Variants in PTH1R observed in about 807,000 individuals in gnomAD.
PTH1R encodes the protein parathyroid hormone/parathyroid hormone-related peptide receptor.
A neutral mutation model predicts 70.7 loss-of-function variants in PTH1R; 32 were observed. That is an observed-to-expected ratio of 0.45 (90% CI 0.34 to 0.61). The LOEUF (loss-of-function observed/expected upper bound fraction) is 0.61. Among genes scored for constraint, PTH1R ranks in the 20% least tolerant of loss-of-function variants. The pLI, the probability that PTH1R is intolerant of heterozygous loss-of-function variation, is 0.01. For missense variants in PTH1R, 626 were observed against 792.5 expected (o/e 0.79, Z 2.52); for synonymous variants, 329 against 324.8 (o/e 1.01, Z -0.14).
Position 46,882,479 on chromosome 3 carries a change from G to C in PTH1R, c.-48-1033G>C, listed in dbSNP as rs1310126434. 1 of 151,438 alleles carries C rather than the reference G, an allele frequency of 6.6e-6. No individual in the cohort carries two copies. The highest frequency in any genetic ancestry group is 1.5e-5 in the Non-Finnish European group (1 of 67,748). 9.4% of individuals were successfully genotyped at this position (151,438 alleles called of 1,614,324 possible). On this transcript the variant is annotated intron_variant, in intron 2 of 15. Transcript: ENST00000449590. The surrounding 1 kb of genome is among the most constrained non-coding windows in gnomAD (Gnocchi z 4.3). ...GCGCGCTCGGAGTAAGTCGGGGCTGGGGACCCGCGCCGAGGGGAAGTGGCC... is the reference window on the plus strand; with the variant it reads ...GCGCGCTCGGAGTAAGTCGGGGCTGCGGACCCGCGCCGAGGGGAAGTGGCC...
intron 3 of PTH1R, among the ~76,000 whole-genome samples, chr3:46,887,962 T>C (rs998379568): frequency 3.9e-5 from 6 of 152,314 alleles, no homozygotes; most frequent in Non-Finnish European, 7.3e-5. Flanking sequence ...TAGTAGGATA[T>C]TTCTAGATTT....
In PTH1R at chr3:46,884,657, G is replaced by A. The variant is rs1358439485; in HGVS notation, c.75+1023G>A. 6.6e-6 allele frequency among the ~76,000 whole-genome samples: 1 copy of A among 152,134 alleles called. No homozygotes were observed. Among genetic ancestry groups the A allele is most frequent in the African/African-American group, 2.4e-5 (1 of 41,428 alleles). On this transcript the variant is annotated intron_variant, in intron 3 of 15. Coordinates refer to ENST00000449590, the MANE Select transcript of PTH1R (RefSeq NM_000316.3). The surrounding 1 kb of genome is among the most constrained non-coding windows in gnomAD (Gnocchi z 4.8). ...CCCCAGTGGGGGTATCTGCCTGCTA[G>A]AGAGCAGGGCAGTCAGGCAGCCTCC...
At position 46,898,062 on chromosome 3, in the gene PTH1R, A is replaced by G. The variant is rs2031859563; in HGVS notation, c.425-12A>G. The G allele has an allele frequency of 3.7e-6, 6 of 1,613,994 alleles. No homozygotes were observed. Among genetic ancestry groups the G allele is most frequent in the Admixed American group, 3.3e-5 (2 of 60,024 alleles). ...ACCTCCCTGCCGGCCCTGACCTCCC[A>G]TGGACCTGCAGGCCATGCCTACCGA... On this transcript the variant is annotated splice_polypyrimidine_tract_variant and intron_variant, in intron 6 of 15. Coordinates refer to ENST00000449590, the MANE Select transcript of PTH1R (RefSeq NM_000316.3).
chr3:46,899,234 C>T, intron 9 of PTH1R, 69 bp from the exon 10 acceptor site: 1 of 1,601,502 alleles, frequency 6.2e-7, no homozygotes, highest in South Asian at 1.1e-5. Context: ...GCCGCCCCAG[C>T]CCCCCAGCCC....
rs201363790 is a variant in PTH1R at position 46,901,084 on chromosome 3, G to A, written c.1048G>A (p.Gly350Arg). 26 of 1,575,730 alleles carry A rather than the reference G, an allele frequency of 1.7e-5. No homozygotes were observed. The highest frequency in any genetic ancestry group is 4.0e-5 in the African/African-American group (3 of 74,528). ...TGTCAGAGCTACCCTGGCCAACACC[G>A]GGTAGGTCCAGGTGGAGAAGGGGCC... ...VSVRATLANT[G>R]CWDLSSGNKK... The change falls in exon 11 of 16, where the codon GGG (glycine) becomes AGG (arginine). Residue 350 changes from glycine (G) to arginine (R), a missense_variant and splice_region_variant. Gly to Arg is a moderately radical substitution (Grantham distance 125). Transcript: ENST00000449590. This position sits in a 1 kb window ranked among gnomAD's most constrained non-coding sequence, Gnocchi z 7.3.
chr3:46,902,220 G>A lies in PTH1R; in HGVS notation c.1212-306G>A, dbSNP rs1370949154. Among the ~76,000 whole-genome samples, 1 of 152,204 alleles carries A rather than the reference G, an allele frequency of 6.6e-6. No homozygotes were observed. The highest frequency in any genetic ancestry group is 2.4e-5 in the African/African-American group (1 of 41,458). The stretch of plus-strand genomic sequence containing the variant: ...AGCTGAAACCTGAGGAGCGGACTGT[G>A]GGATAGTGAGGTTCGACCGTGGAGG... On this transcript the variant is annotated intron_variant, in intron 13 of 15. Coordinates refer to ENST00000449590, the MANE Select transcript of PTH1R (RefSeq NM_000316.3). This position sits in a 1 kb window ranked among gnomAD's most constrained non-coding sequence, Gnocchi z 5.4.
At chr3:46,885,283 T>C (rs988540271) in intron 3 of PTH1R, among the ~76,000 whole-genome samples, 7 of 152,168 alleles carry the variant, frequency 4.6e-5, no homozygotes, top group Non-Finnish European at 7.3e-5. Flanking sequence ...CGCAGTTGTG[T>C]GTGTTTGTGT....
chr3:46,887,995 A>G (rs1255624832), intron 3 of PTH1R, among the ~76,000 whole-genome samples: 3 of 152,172 alleles, frequency 2.0e-5, no homozygotes, highest in Non-Finnish European at 4.4e-5. Flanking sequence ...GCCTGAGAAT[A>G]TACATATTTT....
chr3:46,901,442 A>G lies in PTH1R; in HGVS notation c.1078A>G (p.Lys360Glu). 6.3e-7 allele frequency: 1 copy of G among 1,577,118 alleles called. No homozygotes were observed. Among genetic ancestry groups the G allele is most frequent in the Non-Finnish European group, 8.6e-7 (1 of 1,160,676 alleles). Residue 360 changes from lysine (K) to glutamate (E), a missense_variant, in exon 12 of 16, where the codon AAG becomes GAG. Around this residue, in one of 3 missense-constraint regions of PTH1R, gnomAD observed 495 missense variants for 638.7 expected, o/e 0.77. Coordinates refer to ENST00000449590, the MANE Select transcript of PTH1R (RefSeq NM_000316.3). This position sits in a 1 kb window ranked among gnomAD's most constrained non-coding sequence, Gnocchi z 7.3. ...CTGGGACTTGAGCTCCGGGAACAAAAAGTGGATCATCCAGGTGCCCATCCT... is the reference window on the plus strand; with the variant it reads ...CTGGGACTTGAGCTCCGGGAACAAAGAGTGGATCATCCAGGTGCCCATCCT... ...GCWDLSSGNK[K>E]WIIQVPILAS...
rs1559536544 is a variant in PTH1R at position 46,899,307 on chromosome 3, G to T, written c.839G>T (p.Gly280Val). 1.2e-6 allele frequency: 2 copies of T among 1,613,930 alleles called. No homozygotes were observed. Among genetic ancestry groups the T allele is most frequent in the Non-Finnish European group, 1.7e-6 (2 of 1,180,008 alleles). The change falls in exon 10 of 16, where the codon GGC becomes GTC. Residue 280 changes from glycine to valine, a missense_variant. Coordinates refer to ENST00000449590, the MANE Select transcript of PTH1R (RefSeq NM_000316.3). ...PPATAAAGYAGCRVAVTFFLY... is the reference protein window; with the variant it reads ...PPATAAAGYAVCRVAVTFFLY... The stretch of plus-strand genomic sequence containing the variant: ...TAACACCAGCTGGTCTCTTAGGCGG[G>T]CTGCAGGGTGGCTGTGACCTTCTTC...
intron 3 of PTH1R, among the ~76,000 whole-genome samples, chr3:46,890,207 G>C (rs2031320625): frequency 1.3e-5 from 2 of 152,234 alleles, no homozygotes; most frequent in African/African-American, 4.8e-5. Context: ...TATCTAGCAG[G>C]TCCTCCTGTA....
intron 3 of PTH1R, among the ~76,000 whole-genome samples, chr3:46,889,013 C>T (rs1374747272): frequency 6.6e-6 from 1 of 152,222 alleles, no homozygotes; most frequent in Admixed American, 6.5e-5. Flanking sequence ...GGAGCCTGCT[C>T]AGGCCAGCCG....
chr3:46,900,966 G>A, intron 10 of PTH1R, 59 bp from the exon 11 acceptor site: 3 of 1,530,286 alleles, frequency 2.0e-6, no homozygotes, highest in Non-Finnish European at 2.7e-6. Context: ...GGATGAGGGG[G>A]GAATGACCTT....
chr3:46,901,094 A>G lies in PTH1R; in HGVS notation c.1049+9A>G. 6.4e-7 allele frequency: 1 copy of G among 1,571,774 alleles called. No individual in the cohort carries two copies. The highest frequency in any genetic ancestry group is 8.6e-7 in the Non-Finnish European group (1 of 1,157,044). ...ACCCTGGCCAACACCGGGTAGGTCC[A>G]GGTGGAGAAGGGGCCCAGGCAAGAA... On this transcript the variant is annotated intron_variant, in intron 11 of 15. Coordinates refer to ENST00000449590, the MANE Select transcript of PTH1R (RefSeq NM_000316.3). This position sits in a 1 kb window ranked among gnomAD's most constrained non-coding sequence, Gnocchi z 7.3.
At chr3:46,895,125 A>G (rs1047057250) in intron 4 of PTH1R, among the ~76,000 whole-genome samples, 3 of 151,424 alleles carry the variant, frequency 2.0e-5, no homozygotes, top group Non-Finnish European at 4.4e-5. Flanking sequence ...CTCTCCAATG[A>G]GAAGAGAGGC....
chr3:46,898,758 C>T lies in PTH1R; in HGVS notation c.735C>T (p.Tyr245=). 1 of 1,607,852 alleles carries T rather than the reference C, an allele frequency of 6.2e-7. No individual in the cohort carries two copies. The highest frequency in any genetic ancestry group is 8.5e-7 in the Non-Finnish European group (1 of 1,178,962). Residue 245 remains tyrosine, a synonymous_variant, in exon 9 of 16, where the codon TAC becomes TAT. Coordinates refer to ENST00000449590, the MANE Select transcript of PTH1R (RefSeq NM_000316.3). ...TCTTCGTCAAGGACGCTGTGCTCTA[C>T]TCTGGCGCCACGCTTGATGAGGCTG... is the stretch of plus-strand genomic sequence containing the variant. ...VSIFVKDAVL[Y]SGATLDEAER... is the part of the protein sequence containing the mutation.
chr3:46,896,121 G>A lies in PTH1R; in HGVS notation c.313+252G>A, dbSNP rs527791669. Among the ~76,000 whole-genome samples the A allele has an allele frequency of 3.9e-5, 6 of 152,252 alleles. No individual in the cohort carries two copies. The highest frequency in any genetic ancestry group is 3.9e-4 in the East Asian group (2 of 5,180). On this transcript the variant is annotated intron_variant, in intron 5 of 15. Transcript: ENST00000449590. The surrounding 1 kb of genome is among the most constrained non-coding windows in gnomAD (Gnocchi z 4.1). ...ACACCAAGAGTGGACCCAGGGCTAC[G>A]GTCCCACCCATGGAGAGAAAGAGAG...
rs1291902669 is a variant in PTH1R at position 46,892,394 on chromosome 3, G to A, written c.76-1513G>A. The stretch of plus-strand genomic sequence containing the variant: ...GCTCGCGTCCCATACTGACAGGCTG[G>A]ACAGTCTCCATGTGAGAACGCGCAC... On this transcript the variant is annotated intron_variant, in intron 3 of 15. Coordinates refer to ENST00000449590, the MANE Select transcript of PTH1R (RefSeq NM_000316.3). The surrounding 1 kb of genome is among the most constrained non-coding windows in gnomAD (Gnocchi z 5.2). Among the ~76,000 whole-genome samples the A allele has an allele frequency of 6.6e-6, 1 of 152,228 alleles. No individual in the cohort carries two copies. The highest frequency in any genetic ancestry group is 2.4e-5 in the African/African-American group (1 of 41,462).
In PTH1R at chr3:46,893,845, G is replaced by A; in HGVS notation, c.76-62G>A. The A allele has an allele frequency of 6.6e-7, 1 of 1,510,972 alleles. No individual in the cohort carries two copies. Among genetic ancestry groups the A allele is most frequent in the Non-Finnish European group, 9.1e-7 (1 of 1,094,446 alleles). The allele number at this position is 1,510,972 out of a possible 1,614,324, so 93.6% of individuals were successfully genotyped here. On this transcript the variant is annotated intron_variant, in intron 3 of 15. Transcript: ENST00000449590. This position sits in a 1 kb window ranked among gnomAD's most constrained non-coding sequence, Gnocchi z 5.2. Reference sequence around the variant, plus strand: ...GGTAGTCCCTCTGGGAAATTGGGATGTCTCTGGGACCTGCTGCTGCGCCGG... The same window carrying A: ...GGTAGTCCCTCTGGGAAATTGGGATATCTCTGGGACCTGCTGCTGCGCCGG...
Sources: allele counts gnomAD v4.1 joint callset (sites outside exome capture counted in the v4.1 genomes callset), GRCh38; gene constraint gnomAD v4.1.1; regional missense constraint gnomAD v4.1.1; non-coding constraint Gnocchi (gnomAD v3.1); transcripts MANE v1.5; gene names NCBI Gene and HGNC (gene_info 2026-07-23, HGNC 2026-07-21).